The following SMIM35 variants were observed in gnomAD, a reference collection of about 807,000 sequenced individuals.
SMIM35 encodes the protein small integral membrane protein 35.
intron 4 of SMIM35, among the ~76,000 whole-genome samples, chr11:118,008,887 C>T (rs1385068384): frequency 6.6e-6 from 1 of 152,218 alleles, no homozygotes; most frequent in African/African-American, 2.4e-5. Flanking sequence ...TGGATGCCCC[C>T]ATGGTGCCTA....
At chr11:118,029,359 G>A (rs665597) in intron 1 of SMIM35, among the ~76,000 whole-genome samples, 29,839 of 152,164 alleles carry the variant, frequency 0.2, 3,077 homozygotes, top group East Asian at 0.4. Flanking sequence ...AGGAGACTGA[G>A]GTGGGAGGTT....
chr11:118,053,397 C>T (rs1412369433), intron 1 of SMIM35, among the ~76,000 whole-genome samples: 1 of 151,626 alleles, frequency 6.6e-6, no homozygotes, highest in Admixed American at 6.6e-5. Context: ...GCAAATGTTC[C>T]TTGAATAAAT....
intron 1 of SMIM35, among the ~76,000 whole-genome samples, chr11:118,078,505 G>A (rs1944870210): frequency 6.6e-6 from 1 of 152,224 alleles, no homozygotes; most frequent in Non-Finnish European, 1.5e-5. Flanking sequence ...ATCAGAAAGG[G>A]GAAGGGGCTT....
chr11:118,085,792 T>C (rs1945509545), intron 1 of SMIM35, among the ~76,000 whole-genome samples: 1 of 152,148 alleles, frequency 6.6e-6, no homozygotes, highest in African/African-American at 2.4e-5. Flanking sequence ...TGTCCAGGCA[T>C]TGTCCTCAGG....
At chr11:118,086,330 A>G (rs760396992) in intron 1 of SMIM35, among the ~76,000 whole-genome samples, 1 of 152,238 alleles carries the variant, frequency 6.6e-6, no homozygotes, top group Non-Finnish European at 1.5e-5. Flanking sequence ...CCCTGGAGCC[A>G]TTATGTGCTG....
At chr11:118,025,177 C>T (rs1398641104) in intron 1 of SMIM35, among the ~76,000 whole-genome samples, 1 of 152,192 alleles carries the variant, frequency 6.6e-6, no homozygotes, top group Non-Finnish European at 1.5e-5. Context: ...TGTTGATGGG[C>T]ACCTAGGTTG....
intron 1 of SMIM35, among the ~76,000 whole-genome samples, chr11:118,039,713 A>G (rs1302004067): frequency 7.1e-6 from 1 of 140,006 alleles, no homozygotes; most frequent in Non-Finnish European, 1.5e-5. Flanking sequence ...CTGTCTCAAA[A>G]TAATAATAAT....
At chr11:118,029,862 A>C (rs1183117571) in intron 1 of SMIM35, 1 of 451,890 alleles carries the variant, frequency 2.2e-6, no homozygotes, top group Admixed American at 2.4e-5. Context: ...TGCCTCCTGC[A>C]TTGCTACCTC....
chr11:118,046,865 T>C (rs1427060444), intron 1 of SMIM35, among the ~76,000 whole-genome samples: 1 of 152,210 alleles, frequency 6.6e-6, no homozygotes, highest in East Asian at 1.9e-4. Flanking sequence ...TTAGTTCTGG[T>C]TATCTCACTT....
chr11:118,027,583 G>T (rs1565384043), intron 1 of SMIM35, among the ~76,000 whole-genome samples: 2 of 152,080 alleles, frequency 1.3e-5, no homozygotes, highest in African/African-American at 4.8e-5. Flanking sequence ...ATTTTAAAAG[G>T]CATCTCCAGA....
At chr11:118,049,964 T>C (rs753685904) in intron 1 of SMIM35, among the ~76,000 whole-genome samples, 1 of 151,930 alleles carries the variant, frequency 6.6e-6, no homozygotes. Context: ...CATGCTGAAG[T>C]GGAGTCACTG....
intron 1 of SMIM35, among the ~76,000 whole-genome samples, chr11:118,078,052 G>A (rs113935081): frequency 0.047 from 5,426 of 115,622 alleles, 20 homozygotes; most frequent in Non-Finnish European, 0.078. Context: ...AAAGAAAGAA[G>A]GAAAAGAAAA....
chr11:118,071,607 G>A (rs1233106290), intron 1 of SMIM35, among the ~76,000 whole-genome samples: 1 of 152,192 alleles, frequency 6.6e-6, no homozygotes, highest in Non-Finnish European at 1.5e-5. Flanking sequence ...TCTTGGAAGA[G>A]ATGTGAACAA....
intron 1 of SMIM35, among the ~76,000 whole-genome samples, chr11:118,048,431 T>C (rs1944138284): frequency 6.6e-6 from 1 of 151,960 alleles, no homozygotes; most frequent in African/African-American, 2.4e-5. Flanking sequence ...GAGAATCACC[T>C]GAAGCTGGGC....
At chr11:118,064,221 G>A (rs545213913) in intron 1 of SMIM35, among the ~76,000 whole-genome samples, 22 of 152,318 alleles carry the variant, frequency 1.4e-4, no homozygotes, top group African/African-American at 5.1e-4. Context: ...TGTGGCGTGA[G>A]AACCAAGGGG....
At chr11:118,070,895 G>T (rs574972846) in intron 1 of SMIM35, among the ~76,000 whole-genome samples, 2 of 152,184 alleles carry the variant, frequency 1.3e-5, no homozygotes, top group Non-Finnish European at 2.9e-5. Flanking sequence ...GGCCCACCAT[G>T]CATGGTCTAG....
rs190974897 is a variant in SMIM35 at position 118,049,294 on chromosome 11, G to A, written c.8-33485C>T. On this transcript the variant is annotated intron_variant, in intron 1 of 4. Transcript: ENST00000689828. ...GGGGACCCCAGAACCGTCTGTGAGT[G>A]ATTTGAAGGGAAGCTGCAATTCTCG... Among the ~76,000 whole-genome samples the A allele has an allele frequency of 2.2e-3, 328 of 149,368 alleles. 1 individual carries two copies. Among genetic ancestry groups the A allele is most frequent in the Non-Finnish European group, 3.9e-3 (262 of 67,340 alleles).
At chr11:118,072,917 T>C (rs1944594650) in intron 1 of SMIM35, among the ~76,000 whole-genome samples, 1 of 152,150 alleles carries the variant, frequency 6.6e-6, no homozygotes, top group Non-Finnish European at 1.5e-5. Context: ...AGTGAAGGTC[T>C]TGTGTTGTCG....
intron 1 of SMIM35, among the ~76,000 whole-genome samples, chr11:118,044,660 G>A (rs1944064339): frequency 6.6e-6 from 1 of 151,580 alleles, no homozygotes; most frequent in Non-Finnish European, 1.5e-5. Flanking sequence ...TGTAATTCCA[G>A]CTACTCCGGA....
Sources: gnomAD v4.1 joint callset for allele counts (sites outside exome capture counted in the v4.1 genomes callset) on GRCh38, gnomAD v4.1.1 for gene constraint, MANE v1.5 for transcripts, NCBI Gene and HGNC (gene_info 2026-07-23, HGNC 2026-07-21) for gene names.